The following TRPC7 variants were observed in gnomAD, a reference collection of about 807,000 sequenced individuals.
The protein encoded by TRPC7 is transient receptor potential cation channel subfamily C member 7.
TRPC7 carries 42 observed loss-of-function variants against 90.1 expected under a neutral mutation model. That is an observed-to-expected ratio of 0.47 (90% CI 0.36 to 0.60). The LOEUF is 0.60. Among genes scored for constraint, TRPC7 ranks in the 20% least tolerant of loss-of-function variants. The probability of loss-of-function intolerance (pLI) is 0.00; values close to 1 mark genes in which losing one functional copy is unlikely to be tolerated. For missense variants in TRPC7, 955 were observed against 1,112.3 expected (o/e 0.86, Z 2.01); for synonymous variants, 451 against 436.3 (o/e 1.03, Z -0.42).
chr5:136,216,818 T>A (rs2149791930), intron 10 of TRPC7, among the ~76,000 whole-genome samples: 1 of 152,322 alleles, frequency 6.6e-6, no homozygotes, highest in Middle Eastern at 3.4e-3. Flanking sequence ...GGAAAATTCC[T>A]ACCAGAAGCA....
intron 6 of TRPC7, among the ~76,000 whole-genome samples, chr5:136,250,254 T>C (rs1756476703): frequency 1.3e-5 from 2 of 152,160 alleles, no homozygotes; most frequent in South Asian, 2.1e-4. Context: ...CACATTTACA[T>C]GTAACATAAT....
At chr5:136,248,115 T>G (rs1311846432) in intron 6 of TRPC7, among the ~76,000 whole-genome samples, 1 of 152,214 alleles carries the variant, frequency 6.6e-6, no homozygotes, top group Non-Finnish European at 1.5e-5. Flanking sequence ...GGCCACTTGC[T>G]ATTCTGTCTC....
At chr5:136,326,926 G>A (rs923643622) in intron 2 of TRPC7, among the ~76,000 whole-genome samples, 1 of 152,192 alleles carries the variant, frequency 6.6e-6, no homozygotes, top group Non-Finnish European at 1.5e-5. Flanking sequence ...GAGGTTAGAA[G>A]ACCTGGGGGG....
At chr5:136,354,839 C>T (rs372762967) in intron 2 of TRPC7, among the ~76,000 whole-genome samples, 2 of 152,322 alleles carry the variant, frequency 1.3e-5, no homozygotes, top group East Asian at 1.9e-4. Context: ...CCTGCTCTGG[C>T]GCATTCTGAG....
rs577572613 is a variant in TRPC7 at position 136,266,281 on chromosome 5, G to A, written c.1284C>T (p.Ile428=). ...NETFTDYPKQ[I]FRVKTTQFSW... is the part of the protein sequence containing the mutation. Reference sequence around the variant, plus strand: ...AGAACTGTGTGGTTTTCACTCTGAAGATTTGTTTTGGGTAGTCTGTGAAGG... The same window carrying A: ...AGAACTGTGTGGTTTTCACTCTGAAAATTTGTTTTGGGTAGTCTGTGAAGG... Residue 428 remains isoleucine, a synonymous_variant, in exon 5 of 12, where the codon ATC becomes ATT. Transcript: ENST00000513104. The A allele has an allele frequency of 6.2e-7, 1 of 1,613,952 alleles. No homozygotes were observed. Among genetic ancestry groups the A allele is most frequent in the South Asian group, 1.1e-5 (1 of 91,082 alleles).
At chr5:136,224,010 T>C (rs1452904211) in intron 10 of TRPC7, among the ~76,000 whole-genome samples, 3 of 152,218 alleles carry the variant, frequency 2.0e-5, no homozygotes, top group Non-Finnish European at 2.9e-5. Flanking sequence ...ATTTCTTAAT[T>C]GTGCAATTAA....
At chr5:136,357,510 T>C in intron 1 of TRPC7, 125 bp from the exon 2 acceptor site, 3 of 1,006,762 alleles carry the variant, frequency 3.0e-6, no homozygotes, top group South Asian at 3.5e-5. Context: ...TGTGCAATCT[T>C]ACAAATCATT....
chr5:136,305,786 CCCTTACAGT>C (rs1373738468), intron 3 of TRPC7, among the ~76,000 whole-genome samples: 1 of 152,162 alleles, frequency 6.6e-6, no homozygotes, highest in Non-Finnish European at 1.5e-5. Flanking sequence ...ACCTTTATAT[CCCTTACAGT>C]CCTCCATCTT....
At chr5:136,301,359 TTA>T (rs1491271204) in intron 3 of TRPC7, among the ~76,000 whole-genome samples, 30,042 of 120,836 alleles carry the variant, frequency 0.25, 4,982 homozygotes, top group South Asian at 0.42. Context: ...TTTTTTTTTT[TTA>T]ACAAATCATA....
At chr5:136,284,109 C>T (rs534830580) in intron 3 of TRPC7, among the ~76,000 whole-genome samples, 22 of 152,334 alleles carry the variant, frequency 1.4e-4, no homozygotes, top group African/African-American at 5.1e-4. Context: ...TCATCATACC[C>T]CAAAACTGGG....
chr5:136,217,460 C>T (rs1755305472), intron 10 of TRPC7, among the ~76,000 whole-genome samples: 1 of 152,164 alleles, frequency 6.6e-6, no homozygotes, highest in African/African-American at 2.4e-5. Flanking sequence ...TCACCTGAAC[C>T]CGAAAGGCTC....
Position 136,247,661 on chromosome 5 carries a change from A to G in TRPC7, c.1654T>C (p.Phe552Leu). Residue 552 changes from phenylalanine to leucine, a missense_variant, in exon 7 of 12, where the codon TTC (phenylalanine) becomes CTC (leucine). Transcript: ENST00000513104. The surrounding 1 kb of genome is among the most constrained non-coding windows in gnomAD (Gnocchi z 4.2). ...GLYAIAVVLS[F>L]SRIAYILPAN... ...GGCAGAATGTATGCAATGCGAGAGA[A>G]GCTCAGCACGACGGCTATCGCGTAG... 6.2e-7 allele frequency: 1 copy of G among 1,614,016 alleles called. No homozygotes were observed.
rs35643545 is a variant in TRPC7 at position 136,266,279 on chromosome 5, A to G, written c.1286T>C (p.Phe429Ser). 4.1e-4 allele frequency: 664 copies of G among 1,613,942 alleles called. 3 individuals are homozygous for G. The African/African-American group carries it at 8.2e-3, about 20-fold the overall frequency. The change falls in exon 5 of 12, where the codon TTC (phenylalanine) becomes TCC (serine). Residue 429 changes from phenylalanine to serine, a missense_variant. By Grantham distance (155) the Phe-to-Ser change is radical. This residue lies in a region of TRPC7 where 484 missense variants were observed against 509.6 expected (regional missense o/e 0.95). Transcript: ENST00000513104. ...ETFTDYPKQI[F>S]RVKTTQFSWT... ...GGAGAACTGTGTGGTTTTCACTCTG[A>G]AGATTTGTTTTGGGTAGTCTGTGAA...
chr5:136,245,846 T>C (rs1756319393), intron 7 of TRPC7, among the ~76,000 whole-genome samples: 1 of 152,202 alleles, frequency 6.6e-6, no homozygotes, highest in South Asian at 2.1e-4. Flanking sequence ...GGAAACCTTA[T>C]TTTCATTTTA....
At chr5:136,217,527 C>T (rs1054214044) in intron 10 of TRPC7, among the ~76,000 whole-genome samples, 3 of 152,182 alleles carry the variant, frequency 2.0e-5, no homozygotes, top group Admixed American at 6.5e-5. Context: ...CCTCAGCCCT[C>T]GGGCTCATGG....
intron 2 of TRPC7, among the ~76,000 whole-genome samples, chr5:136,341,359 T>TA (rs1284770922): frequency 4.0e-5 from 6 of 151,856 alleles, no homozygotes; most frequent in Admixed American, 1.3e-4. Flanking sequence ...TATTATTAAT[T>TA]AAAAAAAAGC....
At chr5:136,221,897 G>A (rs1055187489) in intron 10 of TRPC7, among the ~76,000 whole-genome samples, 4 of 152,124 alleles carry the variant, frequency 2.6e-5, no homozygotes, top group African/African-American at 9.7e-5. Context: ...TTGGGATATC[G>A]CTTGTTTACT....
intron 3 of TRPC7, among the ~76,000 whole-genome samples, chr5:136,303,226 G>T (rs548104078): frequency 6.6e-6 from 1 of 152,250 alleles, no homozygotes; most frequent in Admixed American, 6.5e-5. Flanking sequence ...ATTCAGCCCA[G>T]TTCATGGCTC....
chr5:136,307,011 G>A (rs1472239929), intron 3 of TRPC7, among the ~76,000 whole-genome samples: 2 of 152,172 alleles, frequency 1.3e-5, no homozygotes, highest in African/African-American at 4.8e-5. Flanking sequence ...CTCTTCACAC[G>A]GACATGCATG....
Sources: gnomAD v4.1 joint callset for allele counts (sites outside exome capture counted in the v4.1 genomes callset) on GRCh38, gnomAD v4.1.1 for gene constraint, gnomAD v4.1.1 regional missense constraint, Gnocchi (gnomAD v3.1) non-coding constraint, MANE v1.5 for transcripts, NCBI Gene and HGNC (gene_info 2026-07-23, HGNC 2026-07-21) for gene names.